SGCD: variants seen among roughly 807,000 people sequenced by gnomAD.
The protein encoded by SGCD is delta-sarcoglycan.
A neutral mutation model predicts 36.6 loss-of-function variants in SGCD; 18 were observed. That is an observed-to-expected ratio of 0.49 (90% CI 0.34 to 0.73). SGCD has a LOEUF of 0.73. SGCD is among the 30% of genes least tolerant of loss of function. The pLI, the probability that SGCD is intolerant of heterozygous loss-of-function variation, is 0.01. For missense variants in SGCD, 387 were observed against 346.7 expected, an observed-to-expected ratio of 1.12 and a Z score of -0.92; for synonymous variants, 133 against 130.6, an observed-to-expected ratio of 1.02 and a Z score of -0.12.
the SGCD span, among the ~76,000 whole-genome samples, chr5:155,782,005 A>G: frequency 1.4e-5 from 2 of 148,028 alleles, no homozygotes; most frequent in Admixed American, 1.4e-4. Context: ...AATCACAGCC[A>G]TACTTTTTCA....
chr5:155,781,905 G>A, the SGCD span, among the ~76,000 whole-genome samples: 80 of 152,264 alleles, frequency 5.3e-4, no homozygotes, highest in Non-Finnish European at 8.8e-4. Flanking sequence ...ATGAAATGCA[G>A]AGATTCCTTA....
At chr5:156,106,002 T>C (rs948155056) in intron 1 of SGCD, among the ~76,000 whole-genome samples, 23 of 149,570 alleles carry the variant, frequency 1.5e-4, no homozygotes, top group Middle Eastern at 3.5e-3. Flanking sequence ...TCCCAGCTAC[T>C]TGGGAGGCTG....
At chr5:155,814,282 T>C in the SGCD span, among the ~76,000 whole-genome samples, 1 of 152,222 alleles carries the variant, frequency 6.6e-6, no homozygotes, top group African/African-American at 2.4e-5. Flanking sequence ...TGTTCTCCTA[T>C]TTCCCATTTG....
intron 3 of SGCD, among the ~76,000 whole-genome samples, chr5:156,182,404 G>A (rs1396728680): frequency 6.6e-6 from 1 of 151,948 alleles, no homozygotes; most frequent in Non-Finnish European, 1.5e-5. Context: ...AAGCCTTGGT[G>A]ATGTGGTGAA....
At chr5:156,355,281 C>T (rs1042350040) in intron 3 of SGCD, among the ~76,000 whole-genome samples, 11 of 152,182 alleles carry the variant, frequency 7.2e-5, no homozygotes, top group African/African-American at 2.4e-4. Flanking sequence ...CTTTCCAAGA[C>T]CCAGAGCTGT....
chr5:156,091,500 AC>A (rs1214818742), intron 1 of SGCD, among the ~76,000 whole-genome samples: 1 of 152,158 alleles, frequency 6.6e-6, no homozygotes, highest in East Asian at 1.9e-4. Context: ...ACCGCAGCAT[AC>A]CCAGTTCTGT....
intron 3 of SGCD, among the ~76,000 whole-genome samples, chr5:156,174,244 G>A (rs574231702): frequency 5.4e-4 from 82 of 152,324 alleles, no homozygotes; most frequent in African/African-American, 1.9e-3. Flanking sequence ...ATAAATTGAA[G>A]TCGGTAGAGG....
intron 6 of SGCD, among the ~76,000 whole-genome samples, chr5:156,605,999 C>A (rs544999581): frequency 2.0e-5 from 3 of 152,066 alleles, no homozygotes; most frequent in Admixed American, 2.0e-4. Context: ...GTGGGTTGCC[C>A]GTTCACTCTG....
intron 3 of SGCD, among the ~76,000 whole-genome samples, chr5:156,345,985 T>C (rs1768916085): frequency 1.3e-5 from 2 of 152,076 alleles, no homozygotes; most frequent in Admixed American, 1.3e-4. Context: ...TATGTATCTC[T>C]TATTATATTT....
intron 1 of SGCD, among the ~76,000 whole-genome samples, chr5:156,026,014 A>T (rs1273457071): frequency 6.6e-6 from 1 of 152,252 alleles, no homozygotes; most frequent in Admixed American, 6.5e-5. Flanking sequence ...AGTGAGTGCC[A>T]GAAATGGTGG....
chr5:156,270,333 C>T (rs1041946332), intron 3 of SGCD, among the ~76,000 whole-genome samples: 16 of 152,150 alleles, frequency 1.1e-4, no homozygotes, highest in African/African-American at 3.6e-4. Flanking sequence ...TTGCTTAGGC[C>T]TTCCTTGGCT....
chr5:156,434,769 G>T (rs1196596711), intron 3 of SGCD, among the ~76,000 whole-genome samples: 1 of 152,170 alleles, frequency 6.6e-6, no homozygotes, highest in African/African-American at 2.4e-5. Context: ...TAATGAAGTT[G>T]CTACCAGATC....
chr5:156,162,975 T>G (rs1242897216), intron 3 of SGCD, among the ~76,000 whole-genome samples: 1 of 151,530 alleles, frequency 6.6e-6, no homozygotes, highest in Non-Finnish European at 1.5e-5. Context: ...CTCCTTCTCC[T>G]CCAGCTAACA....
chr5:156,655,462 T>C (rs1480737276), intron 7 of SGCD, among the ~76,000 whole-genome samples: 1 of 152,160 alleles, frequency 6.6e-6, no homozygotes, highest in Non-Finnish European at 1.5e-5. Flanking sequence ...TTGGTTTGTT[T>C]TCAGAGTTAC....
intron 7 of SGCD, among the ~76,000 whole-genome samples, chr5:156,673,372 C>T (rs955243928): frequency 7.9e-5 from 12 of 152,264 alleles, no homozygotes; most frequent in Middle Eastern, 3.4e-3. Flanking sequence ...GCAATAGTCA[C>T]GCTTCAGCAG....
rs533242113 is a variant in SGCD, at chr5:156,709,222, T to C, written c.576-48359T>C. On this transcript the variant is annotated intron_variant, in intron 7 of 8. Transcript: ENST00000337851. ...CTTCAAGGACAATATGCAGAGGTCATGAAGACCATCTGGTGCCAAAAATAG... is the reference window on the plus strand; with the variant it reads ...CTTCAAGGACAATATGCAGAGGTCACGAAGACCATCTGGTGCCAAAAATAG... 3.9e-5 allele frequency among the ~76,000 whole-genome samples: 6 copies of C among 152,358 alleles called. No individual in the cohort carries two copies. The East Asian group carries it at 9.6e-4, about 24-fold the overall frequency.
intron 3 of SGCD, among the ~76,000 whole-genome samples, chr5:156,463,228 G>C (rs1419069632): frequency 6.6e-6 from 1 of 152,048 alleles, no homozygotes; most frequent in Non-Finnish European, 1.5e-5. Context: ...TTTTTTAGGA[G>C]AGATGGGGTT....
chr5:156,748,910 G>A (rs569444154), intron 7 of SGCD, among the ~76,000 whole-genome samples: 6 of 152,006 alleles, frequency 3.9e-5, no homozygotes, highest in Non-Finnish European at 7.4e-5. Context: ...GATTACAGGC[G>A]TGTACCACCA....
intron 3 of SGCD, among the ~76,000 whole-genome samples, chr5:156,144,870 A>C (rs1272991320): frequency 6.6e-6 from 1 of 152,194 alleles, no homozygotes; most frequent in Non-Finnish European, 1.5e-5. Context: ...TTGATTTTAC[A>C]GTCTCATAGG....
Sources: gnomAD v4.1 joint callset for allele counts (sites outside exome capture counted in the v4.1 genomes callset) on GRCh38, gnomAD v4.1.1 for gene constraint, MANE v1.5 for transcripts, NCBI Gene and HGNC (gene_info 2026-07-23, HGNC 2026-07-21) for gene names.